Variants in GALNT17 observed in about 807,000 individuals in gnomAD.
GALNT17 encodes the protein polypeptide N-acetylgalactosaminyltransferase 17.
A neutral mutation model predicts 63.7 loss-of-function variants in GALNT17; 29 were observed. The observed-to-expected ratio is 0.46, with a 90% CI of 0.34 to 0.62. The LOEUF is 0.62. GALNT17 is among the 20% of genes least tolerant of loss of function. GALNT17 has a pLI of 0.01. For missense variants in GALNT17, 603 were observed against 799.6 expected, an observed-to-expected ratio of 0.75 and a Z score of 2.97; for synonymous variants, 305 against 318.3, an observed-to-expected ratio of 0.96 and a Z score of 0.45.
chr7:71,291,731 G>T (rs1790983383), intron 1 of GALNT17, among the ~76,000 whole-genome samples: 1 of 152,024 alleles, frequency 6.6e-6, no homozygotes, highest in Non-Finnish European at 1.5e-5. Flanking sequence ...GAGTTATTTT[G>T]ATTATCTCTT....
Position 71,661,363 on chromosome 7 carries a change from G to C in GALNT17, c.1081-4048G>C, listed in dbSNP as rs547783064. Among the ~76,000 whole-genome samples, 10 of 152,240 alleles carry C rather than the reference G, an allele frequency of 6.6e-5. 1 individual carries two copies. In the South Asian group the frequency reaches 2.1e-3, roughly 32 times the overall value. On this transcript the variant is annotated intron_variant, in intron 6 of 10. Coordinates refer to ENST00000333538, the MANE Select transcript of GALNT17 (RefSeq NM_022479.3). ...TAAGCTGATGAGGGAGTTGGTTTTG[G>C]TGCTTTCTGTCATTACTGGACTGGT...
chr7:71,201,756 C>G (rs899197306), intron 1 of GALNT17, among the ~76,000 whole-genome samples: 9 of 151,822 alleles, frequency 5.9e-5, no homozygotes, highest in Non-Finnish European at 8.8e-5. Flanking sequence ...CTCACCCTTC[C>G]GAGTCGCTGG....
At chr7:71,223,520 C>CT (rs141653790) in intron 1 of GALNT17, among the ~76,000 whole-genome samples, 7 of 149,866 alleles carry the variant, frequency 4.7e-5, no homozygotes, top group African/African-American at 9.8e-5. Context: ...ATAATCCCAA[C>CT]TTTTTTTTTT....
chr7:71,441,910 C>G (rs1023915952), intron 5 of GALNT17, among the ~76,000 whole-genome samples: 12 of 152,190 alleles, frequency 7.9e-5, no homozygotes, highest in Admixed American at 7.2e-4. Context: ...GGTTCCAAGT[C>G]TTTGCTATTG....
At chr7:71,422,148 G>A (rs1470121193) in intron 5 of GALNT17, among the ~76,000 whole-genome samples, 1 of 151,912 alleles carries the variant, frequency 6.6e-6, no homozygotes, top group Non-Finnish European at 1.5e-5. Context: ...TGGGTCAGGA[G>A]GGCTGGGTCA....
At chr7:71,260,299 C>T (rs1048405143) in intron 1 of GALNT17, among the ~76,000 whole-genome samples, 4 of 152,154 alleles carry the variant, frequency 2.6e-5, no homozygotes, top group Non-Finnish European at 4.4e-5. Context: ...TTTGGAGATG[C>T]TGTACATCTC....
intron 5 of GALNT17, among the ~76,000 whole-genome samples, chr7:71,463,438 A>G (rs1022645269): frequency 6.6e-6 from 1 of 152,142 alleles, no homozygotes; most frequent in Non-Finnish European, 1.5e-5. Flanking sequence ...GTTACCAGAA[A>G]GGGGTCCCAA....
chr7:71,681,752 G>A (rs1012502633), intron 9 of GALNT17, among the ~76,000 whole-genome samples: 1 of 152,178 alleles, frequency 6.6e-6, no homozygotes, highest in African/African-American at 2.4e-5. Flanking sequence ...GGCTATCCCA[G>A]TTAGATACTG....
intron 1 of GALNT17, among the ~76,000 whole-genome samples, chr7:71,274,840 C>T (rs1790655416): frequency 6.6e-6 from 1 of 152,176 alleles, no homozygotes; most frequent in Admixed American, 6.5e-5. Context: ...CTCAGGGCTT[C>T]CTTCTGATTT....
At chr7:71,628,073 G>GA (rs5884848) in intron 6 of GALNT17, among the ~76,000 whole-genome samples, 131,938 of 151,614 alleles carry the variant, frequency 0.87, 59,215 homozygotes, top group East Asian at 0.99. Context: ...ATCTCAGGGG[G>GA]AAAAAAGTCT....
At chr7:71,450,874 A>G (rs1036138135) in intron 5 of GALNT17, among the ~76,000 whole-genome samples, 2 of 150,896 alleles carry the variant, frequency 1.3e-5, no homozygotes, top group African/African-American at 4.9e-5. Flanking sequence ...AAACTTTTAA[A>G]TTTTATTTTC....
intron 5 of GALNT17, among the ~76,000 whole-genome samples, chr7:71,451,172 C>T (rs200464037): frequency 6.6e-6 from 1 of 152,062 alleles, no homozygotes; most frequent in Admixed American, 6.6e-5. Context: ...TGAGTGAGAA[C>T]ATGTGGTGTT....
intron 1 of GALNT17, among the ~76,000 whole-genome samples, chr7:71,256,210 T>C (rs189542108): frequency 8.5e-5 from 13 of 152,290 alleles, no homozygotes; most frequent in Admixed American, 5.9e-4. Flanking sequence ...TGTCCCACCT[T>C]TTCAGATCCA....
At chr7:71,487,923 TTCAGGAGGCTGGG>T (rs1395254957) in intron 5 of GALNT17, among the ~76,000 whole-genome samples, 1 of 152,026 alleles carries the variant, frequency 6.6e-6, no homozygotes, top group Non-Finnish European at 1.5e-5. Flanking sequence ...ATTCCAGTGA[TTCAGGAGGCTGGG>T]GCAGGAGGAT....
intron 1 of GALNT17, among the ~76,000 whole-genome samples, chr7:71,299,549 G>T (rs982397153): frequency 1.3e-5 from 2 of 152,118 alleles, no homozygotes; most frequent in Non-Finnish European, 2.9e-5. Context: ...TTTCATTCTG[G>T]AGGTATCGGA....
chr7:71,273,160 G>T (rs549289285), intron 1 of GALNT17, among the ~76,000 whole-genome samples: 1 of 152,180 alleles, frequency 6.6e-6, no homozygotes, highest in South Asian at 2.1e-4. Flanking sequence ...AGAAGAAACT[G>T]CATGTTCTTT....
At chr7:71,657,889 GAT>G (rs1252454566) in intron 6 of GALNT17, among the ~76,000 whole-genome samples, 5 of 22,088 alleles carry the variant, frequency 2.3e-4, no homozygotes, top group Non-Finnish European at 4.9e-4. Flanking sequence ...TGGATGGATG[GAT>G]GGATGGATGG....
intron 1 of GALNT17, among the ~76,000 whole-genome samples, chr7:71,297,562 G>A (rs1236017295): frequency 7.9e-6 from 1 of 125,854 alleles, no homozygotes; most frequent in Non-Finnish European, 1.8e-5. Context: ...CCAGGAGGCA[G>A]AGGTTGCAGT....
intron 1 of GALNT17, chr7:71,283,875 C>G (rs928883926): frequency 1.3e-5 from 2 of 151,790 alleles, no homozygotes; most frequent in African/African-American, 4.8e-5. Flanking sequence ...TAAAATGCAC[C>G]CATCAGTGCT....
Sources: gnomAD v4.1 joint callset for allele counts (sites outside exome capture counted in the v4.1 genomes callset) on GRCh38, gnomAD v4.1.1 for gene constraint, MANE v1.5 for transcripts, NCBI Gene and HGNC (gene_info 2026-07-23, HGNC 2026-07-21) for gene names.